ASTN2: variants seen among roughly 807,000 people sequenced by gnomAD.
ASTN2 encodes the protein astrotactin-2.
ASTN2 carries 54 observed loss-of-function variants against 139.8 expected under a neutral mutation model. The observed-to-expected ratio is 0.39, with a 90% CI of 0.31 to 0.48. The LOEUF (loss-of-function observed/expected upper bound fraction) is 0.48. Ranked by LOEUF, ASTN2 falls within the 20% of genes least tolerant of loss-of-function variation. The pLI, the probability that ASTN2 is intolerant of heterozygous loss-of-function variation, is 0.95. For missense variants in ASTN2, 1,565 were observed against 1,725.1 expected (o/e 0.91, Z 1.64); for synonymous variants, 756 against 719.5 (o/e 1.05, Z -0.81).
chr9:117,401,209 G>A (rs976429113), intron 1 of ASTN2, among the ~76,000 whole-genome samples: 2 of 152,110 alleles, frequency 1.3e-5, no homozygotes, highest in African/African-American at 2.4e-5. Flanking sequence ...CATTTTGTCA[G>A]GAAATATCTA....
chr9:116,801,376 T>A (rs976452793), intron 13 of ASTN2, among the ~76,000 whole-genome samples: 3 of 145,106 alleles, frequency 2.1e-5, no homozygotes, highest in Admixed American at 6.8e-5. Flanking sequence ...AGGTCAGGAG[T>A]TTGAGACCAG....
At chr9:116,924,271 A>T (rs1284608352) in intron 10 of ASTN2, among the ~76,000 whole-genome samples, 1 of 151,364 alleles carries the variant, frequency 6.6e-6, no homozygotes, top group Non-Finnish European at 1.5e-5. Context: ...AAAAAAAAAA[A>T]AAAAAAAACT....
At chr9:117,115,844 T>G (rs1342689840) in intron 4 of ASTN2, among the ~76,000 whole-genome samples, 3 of 151,708 alleles carry the variant, frequency 2.0e-5, no homozygotes, top group Non-Finnish European at 4.4e-5. Flanking sequence ...GCTAACATGG[T>G]GAAAACCCGT....
At chr9:116,687,673 C>T (rs1169989925) in intron 16 of ASTN2, among the ~76,000 whole-genome samples, 1 of 151,282 alleles carries the variant, frequency 6.6e-6, no homozygotes, top group South Asian at 2.1e-4. Context: ...GAGGTAATGT[C>T]GGGGCCCTGA....
chr9:117,406,828 A>G lies in ASTN2; in HGVS notation c.442+7669T>C, dbSNP rs1831005024. Among the ~76,000 whole-genome samples the G allele has an allele frequency of 1.3e-5, 2 of 150,380 alleles. 1 individual carries two copies. The highest frequency in any genetic ancestry group is 4.2e-4 in the South Asian group (2 of 4,728). ...TTCTCACATACTACATAACTTATTT[A>G]CTTATTATGTCTGTTGTCATTGTCC... On this transcript the variant is annotated intron_variant, in intron 1 of 22. Transcript: ENST00000313400.
intron 5 of ASTN2, among the ~76,000 whole-genome samples, chr9:117,078,715 C>A (rs1828343796): frequency 6.6e-6 from 1 of 151,984 alleles, no homozygotes; most frequent in Non-Finnish European, 1.5e-5. Context: ...TATGGCTGTT[C>A]CTGGAGAGCT....
chr9:117,062,060 G>A (rs1177858247), intron 5 of ASTN2, among the ~76,000 whole-genome samples: 4 of 152,188 alleles, frequency 2.6e-5, no homozygotes, highest in Admixed American at 2.6e-4. Flanking sequence ...TCTCACGCAA[G>A]GTTTGAATTT....
Position 116,651,732 on chromosome 9 carries a change from T to G in ASTN2, c.2868A>C (p.Ser956=). The change falls in exon 17 of 23, where the codon TCA becomes TCC. Residue 956 remains serine (S), a synonymous_variant. Coordinates refer to ENST00000313400, the MANE Select transcript of ASTN2 (RefSeq NM_001365068.1). ...LKSMPFITYL[S]GLLTAQMLSD... The stretch of plus-strand genomic sequence containing the variant: ...ACAGCATCTGGGCTGTCAGCAAACC[T>G]GAGAGGTAGGTGATGAAGGGCATGG... 6.2e-7 allele frequency: 1 copy of G among 1,614,018 alleles called. No homozygotes were observed.
intron 3 of ASTN2, among the ~76,000 whole-genome samples, chr9:117,150,729 C>T (rs1830309535): frequency 6.6e-6 from 1 of 152,150 alleles, no homozygotes; most frequent in Admixed American, 6.5e-5. Context: ...AGACCTCATT[C>T]TGTCACCCAG....
At chr9:117,119,586 AATG>A (rs1829489016) in intron 4 of ASTN2, among the ~76,000 whole-genome samples, 1 of 152,218 alleles carries the variant, frequency 6.6e-6, no homozygotes, top group Non-Finnish European at 1.5e-5. Context: ...GAACACATGC[AATG>A]ATTGGGAGCT....
chr9:116,544,965 G>A (rs1182014754), intron 19 of ASTN2, among the ~76,000 whole-genome samples: 1 of 152,030 alleles, frequency 6.6e-6, no homozygotes, highest in Non-Finnish European at 1.5e-5. Flanking sequence ...AGTGCCAATG[G>A]CCTGCTCCTG....
intron 2 of ASTN2, among the ~76,000 whole-genome samples, chr9:117,280,269 G>A (rs1413041421): frequency 6.6e-6 from 1 of 152,190 alleles, no homozygotes; most frequent in Non-Finnish European, 1.5e-5. Flanking sequence ...TGTGTCTGAT[G>A]AGTGAGGATG....
intron 22 of ASTN2, among the ~76,000 whole-genome samples, chr9:116,430,799 A>G (rs1422756912): frequency 1.3e-5 from 2 of 152,230 alleles, no homozygotes; most frequent in Admixed American, 1.3e-4. Context: ...GAAGGGTTGG[A>G]GGTGCTCGAA....
chr9:116,851,659 A>C (rs1254836797), intron 11 of ASTN2, among the ~76,000 whole-genome samples: 1 of 152,044 alleles, frequency 6.6e-6, no homozygotes, highest in Admixed American at 6.6e-5. Flanking sequence ...TGTGCATATA[A>C]TAATTTCATA....
chr9:117,246,779 G>A (rs1833394586), intron 2 of ASTN2, among the ~76,000 whole-genome samples: 1 of 152,174 alleles, frequency 6.6e-6, no homozygotes, highest in South Asian at 2.1e-4. Context: ...AATAAAGTGT[G>A]CCCTTATTTC....
At chr9:116,654,680 A>G (rs949701493) in intron 16 of ASTN2, among the ~76,000 whole-genome samples, 5 of 152,232 alleles carry the variant, frequency 3.3e-5, no homozygotes, top group African/African-American at 4.8e-5. Context: ...GAGTCCTTTC[A>G]GCACACAATC....
intron 4 of ASTN2, among the ~76,000 whole-genome samples, chr9:117,116,721 G>A (rs1025823325): frequency 4.0e-5 from 6 of 150,536 alleles, no homozygotes; most frequent in Admixed American, 2.7e-4. Flanking sequence ...CTGCCTCCAT[G>A]GCCTAATAGT....
intron 12 of ASTN2, among the ~76,000 whole-genome samples, chr9:116,812,665 C>T (rs1015465574): frequency 6.6e-5 from 10 of 152,134 alleles, no homozygotes; most frequent in African/African-American, 2.2e-4. Context: ...GGTATTGTCT[C>T]CACTTTCAGA....
chr9:116,649,909 T>C (rs1006724516), intron 17 of ASTN2, among the ~76,000 whole-genome samples: 1 of 152,190 alleles, frequency 6.6e-6, no homozygotes, highest in Admixed American at 6.5e-5. Flanking sequence ...TCTCCCTCCG[T>C]CCTTGGTCTT....
Sources: allele counts gnomAD v4.1 joint callset (sites outside exome capture counted in the v4.1 genomes callset), GRCh38; gene constraint gnomAD v4.1.1; transcripts MANE v1.5; gene names NCBI Gene and HGNC (gene_info 2026-07-23, HGNC 2026-07-21).